The following SCAF8 variants were observed in gnomAD, a reference collection of about 807,000 sequenced individuals.
SCAF8 encodes SR-related and CTD-associated factor 8.
A neutral mutation model predicts 140.5 loss-of-function variants in SCAF8; 23 were observed. The ratio of observed to expected loss-of-function variants is 0.16; its 90% CI spans 0.12 to 0.23. The LOEUF (loss-of-function observed/expected upper bound fraction) is 0.23. SCAF8 is among the 10% of genes least tolerant of loss of function. The pLI is 1.00. For missense variants in SCAF8, 1,397 were observed against 1,555.7 expected (o/e 0.90, Z 1.72); for synonymous variants, 575 against 528.9 (o/e 1.09, Z -1.20).
intron 19 of SCAF8, 130 bp from the exon 20 acceptor site, chr6:154,831,809 A>T (rs1583076057): frequency 1.6e-6 from 1 of 644,914 alleles, no homozygotes; most frequent in East Asian, 3.0e-5. Context: ...ATTTCTGTTT[A>T]ACTTAAAAAG....
intron 1 of SCAF8, among the ~76,000 whole-genome samples, chr6:154,738,187 C>G (rs1423438653): frequency 6.7e-6 from 1 of 149,528 alleles, no homozygotes; most frequent in African/African-American, 2.5e-5. Context: ...CAGTGTGAGA[C>G]TCTGCTTCAA....
intron 4 of SCAF8, among the ~76,000 whole-genome samples, chr6:154,789,275 A>G (rs1777343160): frequency 6.7e-6 from 1 of 150,098 alleles, no homozygotes; most frequent in Admixed American, 6.6e-5. Flanking sequence ...CACTCGGCTA[A>G]TTTTTTTTTG....
intron 1 of SCAF8, among the ~76,000 whole-genome samples, chr6:154,770,095 G>C (rs1424915435): frequency 6.6e-6 from 1 of 152,156 alleles, no homozygotes; most frequent in African/African-American, 2.4e-5. Context: ...AATTCCCTGT[G>C]AGTTTGACAC....
chr6:154,810,101 G>A lies in SCAF8; in HGVS notation c.1313G>A (p.Arg438Lys). 6.2e-7 allele frequency: 1 copy of A among 1,613,962 alleles called. No homozygotes were observed. Among genetic ancestry groups the A allele is most frequent in the Non-Finnish European group, 8.5e-7 (1 of 1,179,938 alleles). The stretch of plus-strand genomic sequence containing the variant: ...CGATCACGCTCCCGCTCAAGAGAAA[G>A]AAAGAGGAAATCATCACGGTCGTAT... ...RKRSRSRSRE[R>K]KRKSSRSYSS... Residue 438 changes from arginine to lysine, a missense_variant, in exon 12 of 20, where the codon AGA becomes AAA. Physicochemically the swap from Arg to Lys is conservative, Grantham distance 26 (BLOSUM62 2). This residue lies in a region of SCAF8 where 339 missense variants were observed against 407.5 expected (regional missense o/e 0.83). Coordinates refer to ENST00000367178, the MANE Select transcript of SCAF8 (RefSeq NM_014892.5).
intron 1 of SCAF8, among the ~76,000 whole-genome samples, chr6:154,748,015 AG>A (rs969108240): frequency 2.0e-5 from 3 of 151,898 alleles, no homozygotes; most frequent in Non-Finnish European, 4.4e-5. Context: ...AATTGCAGAG[AG>A]GATTCTTGTT....
Position 154,832,321 on chromosome 6 carries a change from T to C in SCAF8, c.2742T>C (p.Pro914=), listed in dbSNP as rs1392802331. The change falls in exon 20 of 20, where the codon CCT becomes CCC. Residue 914 remains proline, a synonymous_variant. Coordinates refer to ENST00000367178, the MANE Select transcript of SCAF8 (RefSeq NM_014892.5). ...AAAACTTACCCCCTTTAAGTATCCC[T>C]AATCAAAGGATGCCCACAATGCCAA... is the stretch of plus-strand genomic sequence containing the variant. The part of the protein sequence containing the change: ...GPQNLPPLSI[P]NQRMPTMPML... 1 of 1,613,878 alleles carries C rather than the reference T, an allele frequency of 6.2e-7. No homozygotes were observed. The highest frequency in any genetic ancestry group is 1.3e-5 in the African/African-American group (1 of 74,904).
At chr6:154,791,721 A>G (rs999342372) in intron 4 of SCAF8, among the ~76,000 whole-genome samples, 1 of 152,190 alleles carries the variant, frequency 6.6e-6, no homozygotes, top group African/African-American at 2.4e-5. Context: ...ATATTTCATG[A>G]ATTTTATAGC....
At chr6:154,805,942 G>A (rs1777900883) in intron 9 of SCAF8, among the ~76,000 whole-genome samples, 1 of 152,130 alleles carries the variant, frequency 6.6e-6, no homozygotes, top group Non-Finnish European at 1.5e-5. Context: ...CTGTTAGCAT[G>A]TAGCAGGAGC....
At chr6:154,767,769 A>T (rs1776623701) in intron 1 of SCAF8, among the ~76,000 whole-genome samples, 1 of 151,930 alleles carries the variant, frequency 6.6e-6, no homozygotes, top group South Asian at 2.1e-4. Context: ...GAACTCCTGG[A>T]ATCAAGTGAG....
rs1415388453 is a variant in SCAF8 at position 154,769,775 on chromosome 6, G to A, written c.31-4214G>A. Among the ~76,000 whole-genome samples, 3 of 152,222 alleles carry A rather than the reference G, an allele frequency of 2.0e-5. No individual in the cohort carries two copies. The East Asian group carries it at 5.8e-4, about 29-fold the overall frequency. On this transcript the variant is annotated intron_variant, in intron 1 of 19. Coordinates refer to ENST00000367178, the MANE Select transcript of SCAF8 (RefSeq NM_014892.5). ...GCTTGTTTGGTGTTGTGTCCTATATGTATTTGTTTATTTTTGTTCATTCTT... is the reference window on the plus strand; with the variant it reads ...GCTTGTTTGGTGTTGTGTCCTATATATATTTGTTTATTTTTGTTCATTCTT...
In SCAF8 at chr6:154,808,245, C is replaced by T. The variant is rs577959053; in HGVS notation, c.1113+44C>T. 1.0e-5 allele frequency: 16 copies of T among 1,551,942 alleles called. No homozygotes were observed. In the South Asian group the frequency reaches 1.8e-4, roughly 18 times the overall value. On this transcript the variant is annotated intron_variant, in intron 10 of 19. Transcript: ENST00000367178. ...CTGGGTCATAAATTTCTAAAAGTAGCTAAAGAAATCATAAAATATTTTATA... is the reference window on the plus strand; with the variant it reads ...CTGGGTCATAAATTTCTAAAAGTAGTTAAAGAAATCATAAAATATTTTATA...
intron 9 of SCAF8, among the ~76,000 whole-genome samples, chr6:154,805,760 T>C (rs564454521): frequency 4.6e-5 from 7 of 152,088 alleles, no homozygotes; most frequent in Non-Finnish European, 1.0e-4. Context: ...TTGTAGAAAT[T>C]AATTTCAGTG....
intron 1 of SCAF8, among the ~76,000 whole-genome samples, chr6:154,745,621 A>C (rs1340004693): frequency 6.6e-6 from 1 of 152,056 alleles, no homozygotes; most frequent in Non-Finnish European, 1.5e-5. Flanking sequence ...GGGTTTCCCT[A>C]CTGTGTAGTT....
chr6:154,789,788 G>A (rs575428939), intron 4 of SCAF8, among the ~76,000 whole-genome samples: 10 of 152,070 alleles, frequency 6.6e-5, no homozygotes, highest in African/African-American at 2.2e-4. Context: ...CTCGTGATCC[G>A]CCTGCCTTGG....
chr6:154,783,087 CCAGAGA>C (rs1406654047), intron 3 of SCAF8, among the ~76,000 whole-genome samples: 1 of 152,132 alleles, frequency 6.6e-6, no homozygotes, highest in Non-Finnish European at 1.5e-5. Flanking sequence ...TTATTTTGAG[CCAGAGA>C]CCTCATGATT....
At chr6:154,831,709 A>T (rs1778741711) in intron 19 of SCAF8, among the ~76,000 whole-genome samples, 1 of 15,826 alleles carries the variant, frequency 6.3e-5, no homozygotes, top group Non-Finnish European at 1.7e-4. Flanking sequence ...TTCTTAAAAA[A>T]AAAAAAAAAA....
chr6:154,751,171 T>G (rs1347161591), intron 1 of SCAF8, among the ~76,000 whole-genome samples: 1 of 152,166 alleles, frequency 6.6e-6, no homozygotes, highest in Non-Finnish European at 1.5e-5. Flanking sequence ...GAGCTAGTTG[T>G]GGTTCTGTAA....
intron 12 of SCAF8, among the ~76,000 whole-genome samples, chr6:154,814,167 C>A (rs892841654): frequency 1.3e-5 from 2 of 152,068 alleles, no homozygotes; most frequent in African/African-American, 4.8e-5. Flanking sequence ...GCTAAAGATA[C>A]AACAAAAATT....
chr6:154,773,005 C>A (rs1203534708), intron 1 of SCAF8, among the ~76,000 whole-genome samples: 1 of 152,208 alleles, frequency 6.6e-6, no homozygotes. Flanking sequence ...GGTGATCTAC[C>A]TGTCTAGGCC....
Sources: allele counts gnomAD v4.1 joint callset (sites outside exome capture counted in the v4.1 genomes callset), GRCh38; gene constraint gnomAD v4.1.1; regional missense constraint gnomAD v4.1.1; transcripts MANE v1.5; gene names NCBI Gene and HGNC (gene_info 2026-07-23, HGNC 2026-07-21).